Variants in TOR1A observed in about 807,000 individuals in gnomAD.
The protein encoded by TOR1A is torsin family 1 member A, also known as torsin-1A.
A neutral mutation model predicts 31.4 loss-of-function variants in TOR1A; 18 were observed. The observed-to-expected ratio is 0.57, with a 90% CI of 0.40 to 0.85. The LOEUF (loss-of-function observed/expected upper bound fraction) is 0.85. TOR1A is among the 40% of genes least tolerant of loss of function. TOR1A has a pLI of 0.00. For synonymous variants in TOR1A, 168 were observed against 165.9 expected, an observed-to-expected ratio of 1.01 and a Z score of -0.10; for missense variants, 375 against 416.4, an observed-to-expected ratio of 0.90 and a Z score of 0.87.
At chr9:129,816,853 C>G (rs2031053951) in intron 4 of TOR1A, among the ~76,000 whole-genome samples, 1 of 152,244 alleles carries the variant, frequency 6.6e-6, no homozygotes, top group African/African-American at 2.4e-5. Flanking sequence ...ATTCCACTTG[C>G]ACACACTGAC....
chr9:129,823,828 T>C (rs2031253480), intron 1 of TOR1A, 80 bp downstream of exon 1: 2 of 1,426,804 alleles, frequency 1.4e-6, no homozygotes, highest in Non-Finnish European at 1.9e-6. Context: ...CCATTCTCCA[T>C]GCCCTGGTCC....
intron 1 of TOR1A, chr9:129,823,362 C>G (rs993207738): frequency 1.1e-5 from 3 of 280,858 alleles, no homozygotes; most frequent in Non-Finnish European, 2.1e-5. Context: ...TGGTCATGGC[C>G]GAGGAGCCAG....
intron 4 of TOR1A, chr9:129,818,243 C>T: frequency 4.3e-6 from 2 of 462,296 alleles, no homozygotes; most frequent in Non-Finnish European, 7.9e-6. Context: ...GCAGAGGTTG[C>T]AGTGAGGCAA....
At position 129,822,900 on chromosome 9, in the gene TOR1A, C is replaced by G. The variant is rs1018621529; in HGVS notation, c.179-54G>C. 116 of 1,613,286 alleles carry G rather than the reference C, an allele frequency of 7.2e-5. No homozygotes were observed. In the South Asian group the frequency reaches 1.2e-3, roughly 17 times the overall value. ...GGGAAGAAACAGCGGCAAAATGTAGCCACATTTACAGCCCATAAGAAAGCC... is the reference window on the plus strand; with the variant it reads ...GGGAAGAAACAGCGGCAAAATGTAGGCACATTTACAGCCCATAAGAAAGCC... On this transcript the variant is annotated intron_variant, in intron 1 of 4. Transcript: ENST00000351698.
At position 129,822,748 on chromosome 9, in the gene TOR1A, T is replaced by C. The variant is rs2031216631; in HGVS notation, c.277A>G (p.Lys93Glu). 1.2e-6 allele frequency: 2 copies of C among 1,614,224 alleles called. No homozygotes were observed. Among genetic ancestry groups the C allele is most frequent in the Non-Finnish European group, 1.7e-6 (2 of 1,180,046 alleles). Residue 93 changes from lysine (K) to glutamate (E), a missense_variant, in exon 2 of 5, where the codon AAG (lysine) becomes GAG (glutamate). Transcript: ENST00000351698. Reference protein sequence around the residue: ...VFGFINNPKPKKPLTLSLHGW... With the variant: ...VFGFINNPKPEKPLTLSLHGW... Reference sequence around the variant, plus strand: ...TGCAGGGAGAGCGTGAGAGGTTTCTTGGGCTTTGGGTTGTTTATGAAACCA... The same window carrying C: ...TGCAGGGAGAGCGTGAGAGGTTTCTCGGGCTTTGGGTTGTTTATGAAACCA...
rs1588219277 is a variant in TOR1A at position 129,824,030 on chromosome 9, T to G, written c.56A>C (p.Gln19Pro). The G allele has an allele frequency of 6.2e-7, 1 of 1,608,162 alleles. No homozygotes were observed. Among genetic ancestry groups the G allele is most frequent in the Non-Finnish European group, 8.5e-7 (1 of 1,178,434 alleles). Residue 19 changes from glutamine to proline, a missense_variant, in exon 1 of 5, where the codon CAG (glutamine) becomes CCG (proline). Coordinates refer to ENST00000351698, the MANE Select transcript of TOR1A (RefSeq NM_000113.3). ...GLLLLAPSVV[Q>P]AVEPISLGLA... ...TCCCAGGCTGATGGGCTCCACCGCCTGCACCACGGACGGCGCCAGCAGCAG... is the reference window on the plus strand; with the variant it reads ...TCCCAGGCTGATGGGCTCCACCGCCGGCACCACGGACGGCGCCAGCAGCAG...
chr9:129,813,066 G>C lies in TOR1A; in HGVS notation c.*906C>G, dbSNP rs894652109. On this transcript the variant is annotated 3_prime_UTR_variant, in exon 5 of 5. Coordinates refer to ENST00000351698, the MANE Select transcript of TOR1A (RefSeq NM_000113.3). ...GAGGTTTCGGGGATTCTGATTGAAC[G>C]TAACAAATAATAGTATAAATGAGGA... The C allele has an allele frequency of 3.9e-5, 6 of 152,302 alleles. No homozygotes were observed. Among genetic ancestry groups the C allele is most frequent in the African/African-American group, 1.4e-4 (6 of 41,556 alleles). The allele number at this position is 152,302 out of a possible 1,614,324, so 9.4% of individuals were successfully genotyped here. A position where few individuals can be genotyped will look rare whatever the true frequency, so the allele number is the denominator to read the frequency against.
chr9:129,814,796 C>G (rs537535588), intron 4 of TOR1A, among the ~76,000 whole-genome samples: 2 of 152,118 alleles, frequency 1.3e-5, no homozygotes, highest in South Asian at 4.1e-4. Context: ...AGCCACGCCT[C>G]TGTATTTGGG....
At chr9:129,816,670 G>A (rs3780696) in intron 4 of TOR1A, among the ~76,000 whole-genome samples, 22,354 of 152,146 alleles carry the variant, frequency 0.15, 2,036 homozygotes, top group East Asian at 0.21. Context: ...AGGGCTGCCC[G>A]ACTCCCAGGT....
In TOR1A at chr9:129,818,599, C is replaced by T. The variant is rs1305329206; in HGVS notation, c.669G>A (p.Arg223=). The change falls in exon 4 of 5, where the codon AGG becomes AGA. Residue 223 remains arginine, a synonymous_variant. Transcript: ENST00000351698. ...RITDVALDFW[R]SGKQREDIKL... ...TGATGTCTTCCCTCTGCTTTCCACT[C>T]CTCCAGAAATCCAAAGCCACATCTG... The T allele has an allele frequency of 6.2e-7, 1 of 1,614,256 alleles. No individual in the cohort carries two copies. The highest frequency in any genetic ancestry group is 1.7e-5 in the Admixed American group (1 of 60,026).
intron 4 of TOR1A, among the ~76,000 whole-genome samples, chr9:129,817,874 A>G (rs1207854776): frequency 6.8e-6 from 1 of 146,538 alleles, no homozygotes; most frequent in Non-Finnish European, 1.5e-5. Flanking sequence ...AAAATTAGCC[A>G]GGCATGGTGG....
At position 129,813,365 on chromosome 9, in the gene TOR1A, G is replaced by A. The variant is rs558894516; in HGVS notation, c.*607C>T. 6.0e-6 allele frequency: 1 copy of A among 166,384 alleles called. No homozygotes were observed. Among genetic ancestry groups the A allele is most frequent in the Non-Finnish European group, 1.3e-5 (1 of 76,490 alleles). 10.3% of individuals were successfully genotyped at this position (166,384 alleles called of 1,614,324 possible). ...CCTGAAGGCGTCCTCTTACCTACTT[G>A]TCCTTCACCTAAACACTTCACTGCC... On this transcript the variant is annotated 3_prime_UTR_variant, in exon 5 of 5. Transcript: ENST00000351698.
Position 129,814,240 on chromosome 9 carries a change from G to A in TOR1A, c.749-18C>T. ...GAAGCCACCTGGGAAGAAGAAACAA[G>A]GTGCTGTTCATCCACATCCACCCAC... On this transcript the variant is annotated intron_variant, in intron 4 of 4. Transcript: ENST00000351698. The A allele has an allele frequency of 1.9e-6, 3 of 1,613,932 alleles. No homozygotes were observed. The highest frequency in any genetic ancestry group is 1.1e-5 in the South Asian group (1 of 91,060).
Position 129,813,978 on chromosome 9 carries a change from A to G in TOR1A, c.993T>C (p.Asp331=), listed in dbSNP as rs767839320. The G allele has an allele frequency of 5.0e-5, 80 of 1,613,964 alleles. No homozygotes were observed. The East Asian group carries it at 1.7e-3, about 35-fold the overall frequency. The change falls in exon 5 of 5, where the codon GAT becomes GAC. Residue 331 remains aspartate, a synonymous_variant. Coordinates refer to ENST00000351698, the MANE Select transcript of TOR1A (RefSeq NM_000113.3). ...CGGCTGCCAATCATGACTGTCAATC[A>G]TCGTAGTAATAATCTAACTTGGTGA... is the stretch of plus-strand genomic sequence containing the variant. ...TVFTKLDYYY[D]D
At chr9:129,817,218 G>C (rs1033800266) in intron 4 of TOR1A, among the ~76,000 whole-genome samples, 3 of 152,180 alleles carry the variant, frequency 2.0e-5, no homozygotes, top group Admixed American at 1.3e-4. Flanking sequence ...AGTGAAATCC[G>C]CAGGCAGGCT....
intron 4 of TOR1A, among the ~76,000 whole-genome samples, chr9:129,815,371 T>C (rs988963031): frequency 2.0e-5 from 3 of 152,236 alleles, no homozygotes; most frequent in African/African-American, 4.8e-5. Context: ...CTCAGAGGCC[T>C]GCTCTGTGCC....
chr9:129,814,473 T>C (rs1035350157), intron 4 of TOR1A, among the ~76,000 whole-genome samples: 1 of 144,528 alleles, frequency 6.9e-6, no homozygotes, highest in Non-Finnish European at 1.5e-5. Context: ...CCCATACACA[T>C]CTACTGGGTG....
At chr9:129,820,567 C>T (rs2031159852) in intron 2 of TOR1A, among the ~76,000 whole-genome samples, 1 of 152,182 alleles carries the variant, frequency 6.6e-6, no homozygotes, top group South Asian at 2.1e-4. Context: ...AGCCTCAATT[C>T]TAAGATGATC....
chr9:129,822,935 G>A lies in TOR1A; in HGVS notation c.179-89C>T, dbSNP rs1375117918. 1.5e-5 allele frequency: 24 copies of A among 1,584,878 alleles called. No homozygotes were observed. The African/African-American group carries it at 3.1e-4, about 20-fold the overall frequency. On this transcript the variant is annotated intron_variant, in intron 1 of 4. Coordinates refer to ENST00000351698, the MANE Select transcript of TOR1A (RefSeq NM_000113.3). ...AGCCCATAAGAAAGCCAGCAAAGCC[G>A]TCTAGACGCCCTCCAAGCACCTTGC...
Sources: gnomAD v4.1 joint callset for allele counts (sites outside exome capture counted in the v4.1 genomes callset) on GRCh38, gnomAD v4.1.1 for gene constraint, MANE v1.5 for transcripts, NCBI Gene and HGNC (gene_info 2026-07-23, HGNC 2026-07-21) for gene names.